Variants in RPIA observed in about 807,000 individuals in gnomAD.
The protein encoded by RPIA is ribose 5-phosphate isomerase A, also known as ribose-5-phosphate isomerase.
RPIA carries 29 observed loss-of-function variants against 37.8 expected under a neutral mutation model. That is an observed-to-expected ratio of 0.77 (90% confidence interval 0.57 to 1.05). The LOEUF (loss-of-function observed/expected upper bound fraction) is 1.05, where lower values mean the gene tolerates loss of function less well. Ranked by LOEUF, RPIA falls within the 50% of genes least tolerant of loss-of-function variation. The pLI is 0.00. For synonymous variants in RPIA, 167 were observed against 157.0 expected (o/e 1.06, Z -0.48); for missense variants, 385 against 413.6 (o/e 0.93, Z 0.60).
intron 3 of RPIA, among the ~76,000 whole-genome samples, chr2:88,728,797 G>A (rs562323305): frequency 6.6e-5 from 10 of 152,116 alleles, no homozygotes; most frequent in Non-Finnish European, 1.5e-4. Flanking sequence ...CTGAATTCTG[G>A]CATTTTTAAG....
chr2:88,734,643 A>C (rs770766790), intron 5 of RPIA, 27 bp downstream of exon 5: 9 of 1,610,602 alleles, frequency 5.6e-6, no homozygotes, highest in Non-Finnish European at 7.6e-6. Flanking sequence ...CTTCTGTGCT[A>C]AAGAGTATCT....
intron 3 of RPIA, among the ~76,000 whole-genome samples, chr2:88,720,203 A>G (rs977647094): frequency 2.0e-5 from 3 of 152,168 alleles, no homozygotes; most frequent in Non-Finnish European, 2.9e-5. Flanking sequence ...AGCACATACA[A>G]AAAGATACGT....
At chr2:88,710,677 A>C (rs539506663) in intron 3 of RPIA, among the ~76,000 whole-genome samples, 3 of 152,280 alleles carry the variant, frequency 2.0e-5, no homozygotes, top group Non-Finnish European at 2.9e-5. Context: ...TGAGTCAAAA[A>C]ATTTATAAGA....
chr2:88,700,718 ATAG>A (rs1273755580), intron 3 of RPIA, among the ~76,000 whole-genome samples: 7 of 152,234 alleles, frequency 4.6e-5, no homozygotes, highest in African/African-American at 1.4e-4. Flanking sequence ...ACATCATAAA[ATAG>A]TAGGAGCTGA....
Position 88,691,748 on chromosome 2 carries a change from C to G in RPIA, c.50C>G (p.Pro17Arg), listed in dbSNP as rs777508463. 1.9e-6 allele frequency: 3 copies of G among 1,595,336 alleles called. No individual in the cohort carries two copies. The highest frequency in any genetic ancestry group is 2.2e-5 in the East Asian group (1 of 44,662). ...ACCCTCTACGGGCGGGTCTTGGCCC[C>G]GCTGCCCGGGAGGGCCGGGGGCGCG... The part of the protein sequence containing the change: ...FSTLYGRVLA[P>R]LPGRAGGAAS... Residue 17 changes from proline (P) to arginine (R), a missense_variant, in exon 1 of 9, where the codon CCG becomes CGG. Around this residue, in one of 2 missense-constraint regions of RPIA, gnomAD observed 232 missense variants for 203.0 expected, o/e 1.14. Coordinates refer to ENST00000283646, the MANE Select transcript of RPIA (RefSeq NM_144563.3).
In RPIA at chr2:88,701,267, T is replaced by TA. The variant is rs5832735; in HGVS notation, c.402+1206dup. ...TTATATAGCTTTTTTTTTTTTTTTT[T>TA]AAATCCTGCTTTCTTGAGGCAATGC... On this transcript the variant is annotated intron_variant, in intron 3 of 8. Transcript: ENST00000283646. 2.1e-4 allele frequency among the ~76,000 whole-genome samples: 32 copies of TA among 149,644 alleles called. 2 individuals carry two copies. Among genetic ancestry groups the TA allele is most frequent in the Admixed American group, 2.0e-3 (31 of 15,130 alleles).
chr2:88,727,084 CGTGTGTGTGT>C (rs59619042), intron 3 of RPIA, among the ~76,000 whole-genome samples: 1 of 151,852 alleles, frequency 6.6e-6, no homozygotes, highest in African/African-American at 2.4e-5. Context: ...TGTGTGCGTG[CGTGTGTGTGT>C]GTGCGCGCGC....
chr2:88,733,961 G>A (rs1323100587), intron 4 of RPIA, among the ~76,000 whole-genome samples: 1 of 152,122 alleles, frequency 6.6e-6, no homozygotes, highest in African/African-American at 2.4e-5. Flanking sequence ...GGTCTTAGTG[G>A]CAATGCCCCA....
intron 3 of RPIA, among the ~76,000 whole-genome samples, chr2:88,728,912 T>C (rs1194415474): frequency 6.6e-6 from 1 of 152,244 alleles, no homozygotes; most frequent in Non-Finnish European, 1.5e-5. Flanking sequence ...CATTGGATTG[T>C]TTTAAAACCT....
chr2:88,716,369 A>G (rs1673036962), intron 3 of RPIA, among the ~76,000 whole-genome samples: 1 of 152,240 alleles, frequency 6.6e-6, no homozygotes, highest in African/African-American at 2.4e-5. Context: ...CTTGGGACAC[A>G]TATCAGGACC....
intron 3 of RPIA, among the ~76,000 whole-genome samples, chr2:88,700,291 G>A (rs776084523): frequency 4.3e-4 from 65 of 152,180 alleles, no homozygotes; most frequent in Non-Finnish European, 7.8e-4. Flanking sequence ...TAGGCACTAC[G>A]GAGAATGCAG....
chr2:88,749,736 G>A (rs917784947), intron 8 of RPIA, among the ~76,000 whole-genome samples: 6 of 152,208 alleles, frequency 3.9e-5, no homozygotes, highest in Non-Finnish European at 8.8e-5. Context: ...AGGCCTCAGG[G>A]CAGGACAAAG....
intron 1 of RPIA, among the ~76,000 whole-genome samples, chr2:88,692,910 A>G (rs1391588890): frequency 2.0e-5 from 3 of 152,200 alleles, no homozygotes; most frequent in Middle Eastern, 3.2e-3. Context: ...GTGGGAGTGG[A>G]CAATGTGGTA....
At chr2:88,692,047 G>A (rs1676943035) in intron 1 of RPIA, 64 bp downstream of exon 1, 3 of 1,514,678 alleles carry the variant, frequency 2.0e-6, no homozygotes, top group Admixed American at 2.0e-5. Context: ...ACTGTTGCGC[G>A]TTGTGGGTGC....
chr2:88,706,637 A>C (rs1305462362), intron 3 of RPIA, among the ~76,000 whole-genome samples: 1 of 152,116 alleles, frequency 6.6e-6, no homozygotes, highest in Non-Finnish European at 1.5e-5. Context: ...TGATAGATGC[A>C]GCAAACCACC....
chr2:88,710,291 C>A (rs1014364885), intron 3 of RPIA, among the ~76,000 whole-genome samples: 9 of 152,130 alleles, frequency 5.9e-5, no homozygotes, highest in African/African-American at 2.2e-4. Context: ...AGTGATCCAC[C>A]CACCTCAGCC....
chr2:88,696,737 T>C (rs1363954167), intron 1 of RPIA, among the ~76,000 whole-genome samples: 2 of 152,196 alleles, frequency 1.3e-5, no homozygotes, highest in African/African-American at 2.4e-5. Context: ...TAATTTATAA[T>C]GAACAGAAAT....
intron 3 of RPIA, among the ~76,000 whole-genome samples, chr2:88,713,116 A>AT (rs1328922128): frequency 1.9e-5 from 1 of 52,162 alleles, no homozygotes; most frequent in African/African-American, 1.0e-4. Flanking sequence ...ATATATATAT[A>AT]TATATTTTTT....
intron 1 of RPIA, among the ~76,000 whole-genome samples, chr2:88,697,089 C>A (rs1672756795): frequency 6.6e-6 from 1 of 152,178 alleles, no homozygotes; most frequent in Admixed American, 6.5e-5. Flanking sequence ...AACTTACTTG[C>A]TTTGTTAACA....
Sources: allele counts gnomAD v4.1 joint callset (sites outside exome capture counted in the v4.1 genomes callset), GRCh38; gene constraint gnomAD v4.1.1; regional missense constraint gnomAD v4.1.1; transcripts MANE v1.5; gene names NCBI Gene and HGNC (gene_info 2026-07-23, HGNC 2026-07-21).